The following ENAH variants were observed in gnomAD, a reference collection of about 807,000 sequenced individuals.
ENAH encodes protein enabled homolog.
A neutral mutation model predicts 78.7 loss-of-function variants in ENAH; 23 were observed. The observed-to-expected ratio is 0.29, with a 90% CI of 0.21 to 0.41. The LOEUF is 0.41. Among genes scored for constraint, ENAH ranks in the 10% least tolerant of loss-of-function variants. The probability of loss-of-function intolerance (pLI) is 1.00; values close to 1 mark genes in which losing one functional copy is unlikely to be tolerated. For synonymous variants in ENAH, 226 were observed against 241.0 expected, an observed-to-expected ratio of 0.94 and a Z score of 0.58; for missense variants, 544 against 691.0, an observed-to-expected ratio of 0.79 and a Z score of 2.39.
Position 225,517,198 on chromosome 1 carries a change from T to C in ENAH, c.911A>G (p.Gln304Arg). Residue 304 changes from glutamine (Q) to arginine (R), a missense_variant and splice_region_variant, in exon 6 of 14, where the codon CAG becomes CGG. Around this residue, in one of 4 missense-constraint regions of ENAH, gnomAD observed 366 missense variants for 396.1 expected, o/e 0.92. Coordinates refer to ENST00000366843, the MANE Select transcript of ENAH (RefSeq NM_018212.6). ...AGTAGCAATAATGAAAGCCTTACCC[T>C]GTTGGGATGGAGTCTCGGCCGGCTG... Reference protein sequence around the residue: ...ASQPAETPSQQGIVLGPLAPP... With the variant: ...ASQPAETPSQRGIVLGPLAPP... 1 of 1,531,562 alleles carries C rather than the reference T, an allele frequency of 6.5e-7. No homozygotes were observed. The highest frequency in any genetic ancestry group is 8.8e-7 in the Non-Finnish European group (1 of 1,137,560). The allele number at this position is 1,531,562 out of a possible 1,614,324, so 94.9% of individuals were successfully genotyped here. A position where few individuals can be genotyped will look rare whatever the true frequency, so the allele number is the denominator to read the frequency against.
At chr1:225,517,101 C>T in intron 6 of ENAH, 95 bp downstream of exon 6, 1 of 1,060,058 alleles carries the variant, frequency 9.4e-7, no homozygotes, top group Non-Finnish European at 1.3e-6. Context: ...GTTCAAGGAT[C>T]AAAACCATCC....
intron 1 of ENAH, among the ~76,000 whole-genome samples, chr1:225,616,944 C>A (rs1374489193): frequency 6.6e-6 from 1 of 151,962 alleles, no homozygotes; most frequent in Non-Finnish European, 1.5e-5. Context: ...ACTAAAAATA[C>A]AAAAACTAGC....
At chr1:225,631,020 C>A (rs138481716) in intron 1 of ENAH, among the ~76,000 whole-genome samples, 1 of 152,130 alleles carries the variant, frequency 6.6e-6, no homozygotes, top group Non-Finnish European at 1.5e-5. Flanking sequence ...TAAATATAAC[C>A]AATTACAAAT....
chr1:225,608,220 G>GAAAAAAAAAAAAAAAA (rs60998592), intron 1 of ENAH, among the ~76,000 whole-genome samples: 202 of 90,846 alleles, frequency 2.2e-3, no homozygotes, highest in Middle Eastern at 6.2e-3. Context: ...ATAAAAAACA[G>GAAAAAAAAAAAAAAAA]AAAAAAAAAA....
chr1:225,637,223 T>A (rs1660220955), intron 1 of ENAH, among the ~76,000 whole-genome samples: 1 of 152,196 alleles, frequency 6.6e-6, no homozygotes, highest in African/African-American at 2.4e-5. Flanking sequence ...GTTGCTTGGT[T>A]GTGAGACAGG....
intron 1 of ENAH, among the ~76,000 whole-genome samples, chr1:225,635,294 C>A (rs924415380): frequency 6.6e-6 from 1 of 152,194 alleles, no homozygotes; most frequent in African/African-American, 2.4e-5. Context: ...ATCCTCCCAT[C>A]ATAGCCTCCC....
rs146207582 is a variant in ENAH, at chr1:225,609,458, G to A, written c.6-42044C>T. Among the ~76,000 whole-genome samples, 1,271 of 152,102 alleles carry A rather than the reference G, an allele frequency of 8.4e-3. 11 individuals are homozygous for A. Among genetic ancestry groups the A allele is most frequent in the Non-Finnish European group, 0.011 (715 of 68,010 alleles). ...ACCATATAGAGAAGATGGAAAGTATGCATCGTGGGGAGGAGAATGTAAAAC... is the reference window on the plus strand; with the variant it reads ...ACCATATAGAGAAGATGGAAAGTATACATCGTGGGGAGGAGAATGTAAAAC... On this transcript the variant is annotated intron_variant, in intron 1 of 13. Transcript: ENST00000366843.
intron 2 of ENAH, among the ~76,000 whole-genome samples, chr1:225,558,088 T>A (rs1469230603): frequency 1.3e-5 from 2 of 152,232 alleles, no homozygotes; most frequent in Non-Finnish European, 2.9e-5. Flanking sequence ...TCAATTTTTA[T>A]AAATCTCTAG....
chr1:225,598,197 C>T (rs1191095479), intron 1 of ENAH, among the ~76,000 whole-genome samples: 3 of 152,036 alleles, frequency 2.0e-5, no homozygotes, highest in African/African-American at 7.2e-5. Flanking sequence ...TCCTTGCATA[C>T]ACACATATCA....
At chr1:225,558,782 C>T (rs998815133) in intron 2 of ENAH, among the ~76,000 whole-genome samples, 4 of 151,894 alleles carry the variant, frequency 2.6e-5, no homozygotes, top group South Asian at 4.2e-4. Flanking sequence ...TACAGGCGCC[C>T]GCCAACACAC....
chr1:225,627,053 C>G (rs1293988107), intron 1 of ENAH, among the ~76,000 whole-genome samples: 1 of 152,182 alleles, frequency 6.6e-6, no homozygotes, highest in Non-Finnish European at 1.5e-5. Flanking sequence ...GGTAAACTTT[C>G]TTCTGGCCTA....
intron 1 of ENAH, among the ~76,000 whole-genome samples, chr1:225,595,332 CAA>C (rs887497643): frequency 3.8e-5 from 5 of 130,608 alleles, no homozygotes; most frequent in Non-Finnish European, 5.0e-5. Context: ...GACTCTGTCT[CAA>C]AAAAAAAAAA....
At chr1:225,575,063 C>G (rs2096781966) in intron 1 of ENAH, among the ~76,000 whole-genome samples, 1 of 152,124 alleles carries the variant, frequency 6.6e-6, no homozygotes, top group Admixed American at 6.6e-5. Context: ...GTCCATAGCA[C>G]CAACACCACC....
At chr1:225,583,914 A>T (rs2096832627) in intron 1 of ENAH, among the ~76,000 whole-genome samples, 1 of 152,160 alleles carries the variant, frequency 6.6e-6, no homozygotes, top group South Asian at 2.1e-4. Flanking sequence ...GCACTTTGGG[A>T]GGCCAAGGCA....
chr1:225,570,831 C>T (rs1175923530), intron 1 of ENAH, among the ~76,000 whole-genome samples: 2 of 151,784 alleles, frequency 1.3e-5, no homozygotes, highest in African/African-American at 2.4e-5. Flanking sequence ...GGTCTGGTGG[C>T]GAGCACCTGT....
intron 2 of ENAH, among the ~76,000 whole-genome samples, chr1:225,566,752 C>T (rs950943182): frequency 2.0e-5 from 3 of 152,200 alleles, no homozygotes; most frequent in African/African-American, 7.2e-5. Context: ...TTAGTAAAAG[C>T]TTAGCTGTCG....
At chr1:225,647,622 G>A (rs1662201749) in intron 1 of ENAH, among the ~76,000 whole-genome samples, 1 of 152,162 alleles carries the variant, frequency 6.6e-6, no homozygotes, top group African/African-American at 2.4e-5. Context: ...CCTGGAGTCA[G>A]GATGTGAGTT....
chr1:225,580,807 C>T (rs2096812601), intron 1 of ENAH, among the ~76,000 whole-genome samples: 1 of 149,506 alleles, frequency 6.7e-6, no homozygotes, highest in Non-Finnish European at 1.5e-5. Context: ...ATCCCAGCTA[C>T]TTGGGAGGCT....
At chr1:225,524,474 CAGT>C in intron 4 of ENAH, 2 of 330,722 alleles carry the variant, frequency 6.0e-6, no homozygotes, top group Non-Finnish European at 8.6e-6. Context: ...TACACAGATA[CAGT>C]TTGATTGTAT....
Sources: gnomAD v4.1 joint callset for allele counts (sites outside exome capture counted in the v4.1 genomes callset) on GRCh38, gnomAD v4.1.1 for gene constraint, gnomAD v4.1.1 regional missense constraint, MANE v1.5 for transcripts, NCBI Gene and HGNC (gene_info 2026-07-23, HGNC 2026-07-21) for gene names.